The following ECEL1 variants were observed in gnomAD, a reference collection of about 807,000 sequenced individuals.
ECEL1 encodes endothelin converting enzyme like 1.
A neutral mutation model predicts 101.8 loss-of-function variants in ECEL1; 87 were observed. The ratio of observed to expected loss-of-function variants is 0.85; its 90% CI spans 0.72 to 1.02. ECEL1 has a LOEUF of 1.02. ECEL1 is among the 50% of genes least tolerant of loss of function. The pLI is 0.00. For missense variants in ECEL1, 1,032 were observed against 1,079.2 expected (o/e 0.96, Z 0.61); for synonymous variants, 487 against 468.7 (o/e 1.04, Z -0.50).
intron 1 of ECEL1, 92 bp from the exon 2 acceptor site, chr2:232,486,846 G>C: frequency 1.9e-6 from 1 of 514,966 alleles, no homozygotes; most frequent in Non-Finnish European, 3.0e-6. Context: ...GGGTGCAGAG[G>C]CCCCAGCCGC....
rs763734144 is a variant in ECEL1, at chr2:232,481,166, A to C, written c.1990-10T>G. On this transcript the variant is annotated splice_polypyrimidine_tract_variant and intron_variant, in intron 14 of 17. Coordinates refer to ENST00000304546, the MANE Select transcript of ECEL1 (RefSeq NM_004826.4). Reference sequence around the variant, plus strand: ...TGTGTTTCCCGTTCACCTGCCGGGAAGGGAAGAGGCCAGGGGGCTGCTTGG... The same window carrying C: ...TGTGTTTCCCGTTCACCTGCCGGGACGGGAAGAGGCCAGGGGGCTGCTTGG... 1.9e-6 allele frequency: 3 copies of C among 1,560,650 alleles called. No homozygotes were observed. The highest frequency in any genetic ancestry group is 2.6e-6 in the Non-Finnish European group (3 of 1,152,320).
chr2:232,481,048 C>G (rs1335283031), intron 15 of ECEL1, 43 bp downstream of exon 15: 1 of 1,548,636 alleles, frequency 6.5e-7, no homozygotes, highest in Non-Finnish European at 8.7e-7. Context: ...CATCAGCCCC[C>G]GTCCCTCCTG....
In ECEL1 at chr2:232,485,172, C is replaced by T. The variant is rs369878691; in HGVS notation, c.855+27G>A. 3.1e-6 allele frequency: 5 copies of T among 1,613,056 alleles called. No individual in the cohort carries two copies. The African/African-American group carries it at 5.3e-5, about 17-fold the overall frequency. ...CCCCTCCTGGGGCCCCAGGCCTTCC[C>T]TGCCTCCCCATCCCATGCCCCAGCA... On this transcript the variant is annotated intron_variant, in intron 3 of 17. Coordinates refer to ENST00000304546, the MANE Select transcript of ECEL1 (RefSeq NM_004826.4).
Position 232,480,148 on chromosome 2 carries a change from C to A in ECEL1, c.*5G>T. 1 of 1,613,174 alleles carries A rather than the reference C, an allele frequency of 6.2e-7. No individual in the cohort carries two copies. The highest frequency in any genetic ancestry group is 8.5e-7 in the Non-Finnish European group (1 of 1,179,648). The stretch of plus-strand genomic sequence containing the variant: ...CAGTGGGGGCGTGCAGGCGGGCAGC[C>A]AGGCTCACCACACGGAACACTTGTG... On this transcript the variant is annotated 3_prime_UTR_variant, in exon 18 of 18. Transcript: ENST00000304546.
chr2:232,483,343 G>T (rs760185996), intron 8 of ECEL1, 73 bp downstream of exon 8: 1 of 1,559,556 alleles, frequency 6.4e-7, no homozygotes, highest in Non-Finnish European at 8.7e-7. Flanking sequence ...TGTCCCTTTT[G>T]TTCTCTTTCG....
At position 232,486,372 on chromosome 2, in the gene ECEL1, G is replaced by A. The variant is rs1690728361; in HGVS notation, c.282C>T (p.Ala94=). 2 of 1,491,982 alleles carry A rather than the reference G, an allele frequency of 1.3e-6. No homozygotes were observed. Among genetic ancestry groups the A allele is most frequent in the Non-Finnish European group, 1.8e-6 (2 of 1,132,458 alleles). The allele number at this position is 1,491,982 out of a possible 1,614,324, so 92.4% of individuals were successfully genotyped here. A position where few individuals can be genotyped will look rare whatever the true frequency, so the allele number is the denominator to read the frequency against. Residue 94 remains alanine, a synonymous_variant, in exon 2 of 18, where the codon GCC becomes GCT. Transcript: ENST00000304546. ...YLGPVAAGGG[A]CPEGCPERKA... is the part of the protein sequence containing the mutation. Reference sequence around the variant, plus strand: ...TGCGCTCAGGGCAGCCCTCGGGACAGGCGCCGCCGCCGGCCGCGACCGGGC... The same window carrying A: ...TGCGCTCAGGGCAGCCCTCGGGACAAGCGCCGCCGCCGGCCGCGACCGGGC...
chr2:232,482,752 C>T (rs1262548576), intron 10 of ECEL1, 99 bp downstream of exon 10: 4 of 1,509,536 alleles, frequency 2.6e-6, no homozygotes, highest in East Asian at 2.3e-5. Flanking sequence ...GGCGTGTGTG[C>T]CCCCCATATC....
Position 232,483,417 on chromosome 2 carries a change from T to C in ECEL1, c.1505A>G (p.Lys502Arg), listed in dbSNP as rs776567024. Residue 502 changes from lysine to arginine, a missense_variant and splice_region_variant, in exon 8 of 18, where the codon AAG becomes AGG. Transcript: ENST00000304546. ...CAATGACACTGGGTCCCCCCTCACCTTGGCCCGAGCAGCAGCCCTGGTCTC... is the reference window on the plus strand; with the variant it reads ...CAATGACACTGGGTCCCCCCTCACCCTGGCCCGAGCAGCAGCCCTGGTCTC... The part of the protein sequence containing the change: ...DAETRAAARA[K>R]LQYMMVMVGY... 3 of 1,604,764 alleles carry C rather than the reference T, an allele frequency of 1.9e-6. No individual in the cohort carries two copies. Among genetic ancestry groups the C allele is most frequent in the Admixed American group, 3.4e-5 (2 of 58,492 alleles).
At chr2:232,481,933 G>A (rs1690590277) in intron 12 of ECEL1, 84 bp from the exon 13 acceptor site, 1 of 1,582,144 alleles carries the variant, frequency 6.3e-7, no homozygotes. Flanking sequence ...GATGTCCCCT[G>A]GCCGGGCCAG....
At chr2:232,482,975 A>G (rs773233774) in intron 9 of ECEL1, 21 bp from the exon 10 acceptor site, 1 of 1,613,906 alleles carries the variant, frequency 6.2e-7, no homozygotes, top group South Asian at 1.1e-5. Context: ...CACGGGCGAC[A>G]CTCAGCGGCA....
In ECEL1 at chr2:232,485,830, C is replaced by A. The variant is rs1013807045; in HGVS notation, c.786+38G>T. The A allele has an allele frequency of 7.2e-6, 11 of 1,536,672 alleles. No homozygotes were observed. The African/African-American group carries it at 1.4e-4, about 19-fold the overall frequency. ...TGGGCAAGGCCACTGCGCCCCGGAT[C>A]CGCGGCCGCTGGCAGGGCGCTCAGG... On this transcript the variant is annotated intron_variant, in intron 2 of 17. Transcript: ENST00000304546.
intron 15 of ECEL1, 117 bp downstream of exon 15, chr2:232,480,974 A>G: frequency 1.4e-6 from 2 of 1,415,688 alleles, no homozygotes; most frequent in Admixed American, 2.0e-5. Flanking sequence ...GCCCTGCCCC[A>G]CCCCAGGCCA....
chr2:232,485,853 A>T lies in ECEL1; in HGVS notation c.786+15T>A. On this transcript the variant is annotated intron_variant, in intron 2 of 17. Coordinates refer to ENST00000304546, the MANE Select transcript of ECEL1 (RefSeq NM_004826.4). ...ATCCGCGGCCGCTGGCAGGGCGCTC[A>T]GGGGGCGCACTCACGCGGATGACGT... The T allele has an allele frequency of 6.5e-7, 1 of 1,543,940 alleles. No individual in the cohort carries two copies. Among genetic ancestry groups the T allele is most frequent in the Non-Finnish European group, 8.7e-7 (1 of 1,149,182 alleles).
At position 232,484,532 on chromosome 2, in the gene ECEL1, A is replaced by G; in HGVS notation, c.1124T>C (p.Val375Ala). ...CTGCATGTAGTCTGTCGCCAGCAGC[A>G]CCACCTCCTCTTCCTCTGAGAAGTC... ...QEDFSEEEEV[V>A]LLATDYMQQV... is the part of the protein sequence containing the mutation. Residue 375 changes from valine (V) to alanine (A), a missense_variant, in exon 6 of 18, where the codon GTG becomes GCG. Physicochemically the swap from Val to Ala is moderately conservative, Grantham distance 64. Transcript: ENST00000304546. 1 of 1,613,900 alleles carries G rather than the reference A, an allele frequency of 6.2e-7. No homozygotes were observed.
rs1559274087 is a variant in ECEL1, at chr2:232,482,593, T to TG, written c.1700dup (p.Gln568ThrfsTer29). 2 of 1,612,470 alleles carry TG rather than the reference T, an allele frequency of 1.2e-6. No individual in the cohort carries two copies. On this transcript the variant is annotated frameshift_variant, in exon 11 of 18. Transcript: ENST00000304546. LOFTEE classifies it high-confidence loss of function. ...GTAGATAGTAGGCATTGAGCGCCTG[T>TG]GGGGGGAGCAGCCACCTGTGGAGGG...
At position 232,484,527 on chromosome 2, in the gene ECEL1, G is replaced by A; in HGVS notation, c.1129C>T (p.Leu377=). 6.2e-7 allele frequency: 1 copy of A among 1,613,936 alleles called. No homozygotes were observed. The highest frequency in any genetic ancestry group is 1.7e-5 in the Admixed American group (1 of 60,022). ...DFSEEEEVVL[L]ATDYMQQVSQ... ...ACCTGCTGCATGTAGTCTGTCGCCAGCAGCACCACCTCCTCTTCCTCTGAG... is the reference window on the plus strand; with the variant it reads ...ACCTGCTGCATGTAGTCTGTCGCCAACAGCACCACCTCCTCTTCCTCTGAG... Residue 377 remains leucine (L), a synonymous_variant, in exon 6 of 18, where the codon CTG becomes TTG. Coordinates refer to ENST00000304546, the MANE Select transcript of ECEL1 (RefSeq NM_004826.4).
chr2:232,486,664 C>T lies in ECEL1; in HGVS notation c.-11G>A. ...ATACGGGGGCTCCATGGCGCCGAGG[C>T]CGCCGCGGTGCAGACCTGGGCCACC... On this transcript the variant is annotated 5_prime_UTR_variant, in exon 2 of 18. Coordinates refer to ENST00000304546, the MANE Select transcript of ECEL1 (RefSeq NM_004826.4). 6.6e-7 allele frequency: 1 copy of T among 1,518,586 alleles called. No homozygotes were observed. Among genetic ancestry groups the T allele is most frequent in the Non-Finnish European group, 8.7e-7 (1 of 1,144,046 alleles). The allele number at this position is 1,518,586 out of a possible 1,614,324, so 94.1% of individuals were successfully genotyped here.
At chr2:232,483,334 G>T in intron 8 of ECEL1, 82 bp downstream of exon 8, 6 of 1,555,282 alleles carry the variant, frequency 3.9e-6, no homozygotes, top group Non-Finnish European at 4.4e-6. Context: ...AGGCCTCTTT[G>T]TCCCTTTTGT....
In ECEL1 at chr2:232,485,851, T is replaced by C; in HGVS notation, c.786+17A>G. On this transcript the variant is annotated intron_variant, in intron 2 of 17. Coordinates refer to ENST00000304546, the MANE Select transcript of ECEL1 (RefSeq NM_004826.4). The stretch of plus-strand genomic sequence containing the variant: ...GGATCCGCGGCCGCTGGCAGGGCGC[T>C]CAGGGGGCGCACTCACGCGGATGAC... 6.5e-7 allele frequency: 1 copy of C among 1,542,920 alleles called. No homozygotes were observed. The highest frequency in any genetic ancestry group is 8.7e-7 in the Non-Finnish European group (1 of 1,148,828).
Sources: allele counts gnomAD v4.1 joint callset, GRCh38; gene constraint gnomAD v4.1.1; transcripts MANE v1.5; gene names NCBI Gene and HGNC (gene_info 2026-07-23, HGNC 2026-07-21).